Variants in AFAP1L2 observed in about 807,000 individuals in gnomAD.
AFAP1L2 encodes the protein actin filament associated protein 1 like 2, also known as actin filament-associated protein 1-like 2.
A neutral mutation model predicts 99.3 loss-of-function variants in AFAP1L2; 46 were observed. That is an observed-to-expected ratio of 0.46 (90% CI 0.37 to 0.59). The LOEUF (loss-of-function observed/expected upper bound fraction) is 0.59. Ranked by LOEUF, AFAP1L2 falls within the 20% of genes least tolerant of loss-of-function variation. AFAP1L2 has a pLI of 0.00. For missense variants in AFAP1L2, 959 were observed against 1,034.9 expected, an observed-to-expected ratio of 0.93 and a Z score of 1.01; for synonymous variants, 397 against 419.1, an observed-to-expected ratio of 0.95 and a Z score of 0.64.
chr10:114,300,440 T>C lies in AFAP1L2; in HGVS notation c.1788+5A>G, dbSNP rs201364731. On this transcript the variant is annotated splice_donor_5th_base_variant and intron_variant, in intron 14 of 18. Transcript: ENST00000304129. ...GTCTTGCTGTCCTGCAGGGGAGGCC[T>C]GTACCTGTTCTCCCAGGTTCTCTGG... The C allele has an allele frequency of 5.6e-3, 9,010 of 1,612,116 alleles. 479 individuals carry two copies. The African/African-American group carries it at 0.11, about 19-fold the overall frequency.
rs1262044803 is a variant in AFAP1L2 at position 114,377,197 on chromosome 10, G to A, written c.16+27243C>T. Among the ~76,000 whole-genome samples the A allele has an allele frequency of 3.9e-5, 6 of 152,192 alleles. No individual in the cohort carries two copies. The highest frequency in any genetic ancestry group is 1.4e-4 in the African/African-American group (6 of 41,444). On this transcript the variant is annotated intron_variant, in intron 1 of 18. Coordinates refer to ENST00000304129, the MANE Select transcript of AFAP1L2 (RefSeq NM_001001936.3). This position sits in a 1 kb window ranked among gnomAD's most constrained non-coding sequence, Gnocchi z 4.0. ...TGAACAACCAAATATGAGATACTATGAACTCCATCTAACCTAGCACACAAA... is the reference window on the plus strand; with the variant it reads ...TGAACAACCAAATATGAGATACTATAAACTCCATCTAACCTAGCACACAAA...
intron 1 of AFAP1L2, among the ~76,000 whole-genome samples, chr10:114,402,969 C>G (rs1010914958): frequency 1.3e-5 from 2 of 152,178 alleles, no homozygotes; most frequent in South Asian, 2.1e-4. Flanking sequence ...TCCCGAAGGG[C>G]GGAGGGGCCC....
At chr10:114,393,774 G>A (rs545235356) in intron 1 of AFAP1L2, among the ~76,000 whole-genome samples, 1 of 152,368 alleles carries the variant, frequency 6.6e-6, no homozygotes, top group Non-Finnish European at 1.5e-5. Context: ...GCCAGCCAGA[G>A]CTGTTTACAA....
intron 1 of AFAP1L2, among the ~76,000 whole-genome samples, chr10:114,341,925 T>C (rs1431830130): frequency 6.6e-6 from 1 of 152,126 alleles, no homozygotes; most frequent in East Asian, 1.9e-4. Context: ...CTGAGACAAG[T>C]CTCAGAGCAG....
chr10:114,387,094 T>C (rs577459834), intron 1 of AFAP1L2, among the ~76,000 whole-genome samples: 1 of 152,308 alleles, frequency 6.6e-6, no homozygotes, highest in African/African-American at 2.4e-5. Flanking sequence ...TGGCCATAAA[T>C]ACTCTAGAAC....
intron 10 of AFAP1L2, among the ~76,000 whole-genome samples, chr10:114,305,298 C>G (rs1181463061): frequency 4.5e-5 from 3 of 66,868 alleles, no homozygotes; most frequent in East Asian, 5.1e-4. Flanking sequence ...GGGATGCGGA[C>G]GCAGGAGGGG....
the AFAP1L2 span, chr10:114,288,892 C>T: frequency 6.4e-6 from 10 of 1,561,080 alleles, no homozygotes; most frequent in East Asian, 2.0e-4. Context: ...TCGAGGGGCT[C>T]TGACTGGCAC....
chr10:114,281,696 G>A, the AFAP1L2 span: 4 of 981,882 alleles, frequency 4.1e-6, no homozygotes, highest in Non-Finnish European at 4.8e-6. Flanking sequence ...GCACACCTGG[G>A]GTGGAGGGGC....
At position 114,300,229 on chromosome 10, in the gene AFAP1L2, G is replaced by A. The variant is rs1434449614; in HGVS notation, c.1922C>T (p.Pro641Leu). ...AVVATPPGAS[P>L]PVKDRLRVTS... ...CACGCGCAACCTGTCCTTCACAGGT[G>A]GGCTGGCACCAGGTGGGGTGGCCAC... The change falls in exon 15 of 19, where the codon CCA (proline) becomes CTA (leucine). Residue 641 changes from proline (P) to leucine (L), a missense_variant. Physicochemically the swap from Pro to Leu is moderately conservative, Grantham distance 98 (BLOSUM62 -3). Around this residue, in one of 2 missense-constraint regions of AFAP1L2, gnomAD observed 576 missense variants for 562.1 expected, o/e 1.02. Transcript: ENST00000304129. 2 of 1,614,154 alleles carry A rather than the reference G, an allele frequency of 1.2e-6. No individual in the cohort carries two copies. The highest frequency in any genetic ancestry group is 4.5e-5 in the East Asian group (2 of 44,882).
At chr10:114,360,224 A>G (rs7076281) in intron 1 of AFAP1L2, among the ~76,000 whole-genome samples, 14,739 of 152,136 alleles carry the variant, frequency 0.097, 1,843 homozygotes, top group African/African-American at 0.29. Context: ...GTCTGAGCTG[A>G]GACATCAGTC....
the AFAP1L2 span, chr10:114,289,441 G>T: frequency 6.2e-7 from 1 of 1,614,174 alleles, no homozygotes; most frequent in Non-Finnish European, 8.5e-7. Context: ...GGCAGCTTAC[G>T]CCGACCTGCG....
chr10:114,328,396 C>T (rs2046726365), intron 4 of AFAP1L2, among the ~76,000 whole-genome samples: 1 of 152,214 alleles, frequency 6.6e-6, no homozygotes, highest in East Asian at 1.9e-4. Context: ...CAGGGCCAGG[C>T]AGCTGTGCAG....
intron 3 of AFAP1L2, among the ~76,000 whole-genome samples, chr10:114,332,510 G>A (rs531516871): frequency 1.3e-5 from 2 of 152,362 alleles, no homozygotes; most frequent in South Asian, 4.1e-4. Flanking sequence ...TCAAAGACAA[G>A]CCTTCAACAG....
At chr10:114,283,645 T>C in the AFAP1L2 span, among the ~76,000 whole-genome samples, 1 of 152,250 alleles carries the variant, frequency 6.6e-6, no homozygotes, top group Non-Finnish European at 1.5e-5. Flanking sequence ...GAGCTTCAGC[T>C]TCCTCATCTG....
chr10:114,341,087 C>T (rs2048757048), intron 1 of AFAP1L2, among the ~76,000 whole-genome samples: 3 of 152,242 alleles, frequency 2.0e-5, no homozygotes, highest in Admixed American at 2.0e-4. Flanking sequence ...AGCACTACTT[C>T]CAAAATGCTT....
chr10:114,320,698 C>G (rs796371305), intron 5 of AFAP1L2, among the ~76,000 whole-genome samples: 8 of 152,346 alleles, frequency 5.3e-5, no homozygotes, highest in South Asian at 2.1e-4. Context: ...AGAGACAAAA[C>G]CAAGAAGCGC....
rs1377264260 is a variant in AFAP1L2 at position 114,299,335 on chromosome 10, CCTT to C, written c.2035_2037del (p.Lys679del). On this transcript the variant is annotated inframe_deletion, in exon 16 of 19. Transcript: ENST00000304129. The stretch of plus-strand genomic sequence containing the variant: ...TGAGCCAGGTGCCCCCGGATTTCTT[CCTT>C]CTTCTTTTCAAGCCTCTCCTTCTCC... 6 of 1,614,112 alleles carry C rather than the reference CCTT, an allele frequency of 3.7e-6. No homozygotes were observed. Among genetic ancestry groups the C allele is most frequent in the African/African-American group, 2.7e-5 (2 of 74,936 alleles).
intron 1 of AFAP1L2, among the ~76,000 whole-genome samples, chr10:114,378,682 A>G (rs2055138587): frequency 6.6e-6 from 1 of 152,330 alleles, no homozygotes; most frequent in East Asian, 1.9e-4. Context: ...CCAAAATACT[A>G]AAGCCAAGAA....
chr10:114,297,679 G>A lies in AFAP1L2; in HGVS notation c.2114-266C>T, dbSNP rs1453193545. On this transcript the variant is annotated intron_variant, in intron 16 of 18. Coordinates refer to ENST00000304129, the MANE Select transcript of AFAP1L2 (RefSeq NM_001001936.3). ...AGTCTGAGGCCTTAAGTCCCTTCTTGTAGGTTCTCAGAGACTCTTGGTTGC... is the reference window on the plus strand; with the variant it reads ...AGTCTGAGGCCTTAAGTCCCTTCTTATAGGTTCTCAGAGACTCTTGGTTGC... 2.6e-5 allele frequency among the ~76,000 whole-genome samples: 4 copies of A among 152,356 alleles called. No individual in the cohort carries two copies. In the South Asian group the frequency reaches 6.2e-4, roughly 24 times the overall value.
Sources: gnomAD v4.1 joint callset for allele counts (sites outside exome capture counted in the v4.1 genomes callset) on GRCh38, gnomAD v4.1.1 for gene constraint, gnomAD v4.1.1 regional missense constraint, Gnocchi (gnomAD v3.1) non-coding constraint, MANE v1.5 for transcripts, NCBI Gene and HGNC (gene_info 2026-07-23, HGNC 2026-07-21) for gene names.